The following SAMHD1 variants were observed in gnomAD, a reference collection of about 807,000 sequenced individuals.
The protein encoded by SAMHD1 is deoxynucleoside triphosphate triphosphohydrolase SAMHD1.
SAMHD1 carries 54 observed loss-of-function variants against 79.6 expected under a neutral mutation model. The observed-to-expected ratio is 0.68, with a 90% CI of 0.55 to 0.85. SAMHD1 has a LOEUF of 0.85. Ranked by LOEUF, SAMHD1 falls within the 40% of genes least tolerant of loss-of-function variation. SAMHD1 has a pLI of 0.00. For missense variants in SAMHD1, 663 were observed against 782.7 expected (o/e 0.85, Z 1.82); for synonymous variants, 260 against 264.1 (o/e 0.98, Z 0.15).
intron 11 of SAMHD1, among the ~76,000 whole-genome samples, chr20:36,906,743 C>T (rs1231502257): frequency 1.3e-5 from 2 of 151,000 alleles, no homozygotes; most frequent in East Asian, 1.9e-4. Flanking sequence ...TTAAATTCAA[C>T]AATTGTTAAT....
At chr20:36,936,775 G>A (rs752437516) in intron 3 of SAMHD1, among the ~76,000 whole-genome samples, 1 of 151,836 alleles carries the variant, frequency 6.6e-6, no homozygotes, top group Non-Finnish European at 1.5e-5. Flanking sequence ...AAGTTCAAGC[G>A]ATCCTCCCAC....
At chr20:36,941,167 G>A in intron 2 of SAMHD1, 56 bp from the exon 3 acceptor site, 2 of 1,132,308 alleles carry the variant, frequency 1.8e-6, no homozygotes, top group South Asian at 1.2e-5. Context: ...AATAATCCCT[G>A]CAGTATATAG....
In SAMHD1 at chr20:36,929,491, T is replaced by A. The variant is rs1568776003; in HGVS notation, c.625+1269A>T. On this transcript the variant is annotated intron_variant, in intron 5 of 15. Transcript: ENST00000646673. ...GACTTATGCCTGTATTCCCAACACTTTGGGAGGCCAAGGGAGGTGAATCAC... is the reference window on the plus strand; with the variant it reads ...GACTTATGCCTGTATTCCCAACACTATGGGAGGCCAAGGGAGGTGAATCAC... Among the ~76,000 whole-genome samples, 4 of 152,000 alleles carry A rather than the reference T, an allele frequency of 2.6e-5. No homozygotes were observed. The South Asian group carries it at 8.3e-4, about 32-fold the overall frequency.
chr20:36,893,318 C>A, intron 15 of SAMHD1: 1 of 550,364 alleles, frequency 1.8e-6, no homozygotes. Context: ...GAGCAGCATA[C>A]CACTGCCCAC....
At chr20:36,925,573 A>T (rs973678199) in intron 6 of SAMHD1, among the ~76,000 whole-genome samples, 2 of 152,228 alleles carry the variant, frequency 1.3e-5, no homozygotes, top group Non-Finnish European at 1.5e-5. Flanking sequence ...GCCAAGCCAG[A>T]CACTGGGGAA....
chr20:36,919,912 G>C (rs1016754896), intron 6 of SAMHD1, among the ~76,000 whole-genome samples: 1 of 152,036 alleles, frequency 6.6e-6, no homozygotes, highest in African/African-American at 2.4e-5. Context: ...ATCTAGTGGT[G>C]AAAAGGGGTA....
At chr20:36,905,042 T>C (rs1325925088) in intron 12 of SAMHD1, 3 of 346,586 alleles carry the variant, frequency 8.7e-6, no homozygotes, top group Non-Finnish European at 1.6e-5. Context: ...CTTTCCCTTA[T>C]ATTCATTTTC....
chr20:36,897,247 TATTCATTC>T (rs947028763), intron 15 of SAMHD1, among the ~76,000 whole-genome samples: 2 of 152,242 alleles, frequency 1.3e-5, no homozygotes, highest in Middle Eastern at 3.2e-3. Flanking sequence ...ATGCCAATCA[TATTCATTC>T]ATTCATTCAT....
chr20:36,907,752 A>G (rs2063413736), intron 11 of SAMHD1, among the ~76,000 whole-genome samples: 1 of 152,226 alleles, frequency 6.6e-6, no homozygotes, highest in East Asian at 1.9e-4. Flanking sequence ...CTGGGATTAC[A>G]GGCGTAAGCC....
chr20:36,912,777 T>TTA (rs1383793377), intron 9 of SAMHD1, among the ~76,000 whole-genome samples: 20 of 142,266 alleles, frequency 1.4e-4, no homozygotes, highest in Non-Finnish European at 2.1e-4. Context: ...TTTTTTTTTT[T>TTA]AAAAGATGAG....
At chr20:36,931,581 G>A (rs991729382) in intron 4 of SAMHD1, among the ~76,000 whole-genome samples, 3 of 152,052 alleles carry the variant, frequency 2.0e-5, no homozygotes, top group Admixed American at 2.0e-4. Context: ...AGGTTGCAGT[G>A]AGCCGAGATC....
intron 13 of SAMHD1, 155 bp downstream of exon 13, chr20:36,904,001 GT>G (rs1321515619): frequency 4.8e-6 from 3 of 619,942 alleles, no homozygotes; most frequent in Non-Finnish European, 8.7e-6. Flanking sequence ...TGAACAAAAT[GT>G]TTTTGTGGTT....
At chr20:36,947,086 G>C (rs1461676995) in intron 1 of SAMHD1, 2 of 337,944 alleles carry the variant, frequency 5.9e-6, no homozygotes, top group South Asian at 2.9e-5. Context: ...AGTGAAACCC[G>C]ACTACCTGTT....
Position 36,911,280 on chromosome 20 carries a change from C to T in SAMHD1, c.1208G>A (p.Gly403Glu). The T allele has an allele frequency of 6.2e-7, 1 of 1,613,110 alleles. No homozygotes were observed. Among genetic ancestry groups the T allele is most frequent in the Non-Finnish European group, 8.5e-7 (1 of 1,179,916 alleles). ...ADDYIEITGA[G>E]GKKYRISTAI... Reference sequence around the variant, plus strand: ...TGTAGAAATGCGATACTTTTTTCCTCCAGCACCTGTAATCTCTATGTAGTC... The same window carrying T: ...TGTAGAAATGCGATACTTTTTTCCTTCAGCACCTGTAATCTCTATGTAGTC... The change falls in exon 11 of 16, where the codon GGA (glycine) becomes GAA (glutamate). Residue 403 changes from glycine to glutamate, a missense_variant. By Grantham distance (98) the Gly-to-Glu change is moderately conservative (BLOSUM62 -2). Coordinates refer to ENST00000646673, the MANE Select transcript of SAMHD1 (RefSeq NM_015474.4).
At chr20:36,926,862 C>G (rs1367741834) in intron 6 of SAMHD1, 1 of 274,188 alleles carries the variant, frequency 3.6e-6, no homozygotes, top group Non-Finnish European at 7.0e-6. Flanking sequence ...TACAATGGAG[C>G]AGAAGGAGTA....
At chr20:36,946,907 C>A in intron 1 of SAMHD1, 103 bp from the exon 2 acceptor site, 6 of 845,218 alleles carry the variant, frequency 7.1e-6, no homozygotes, top group South Asian at 2.9e-5. Context: ...AAGTGAGTAC[C>A]CACTGCAGGC....
chr20:36,936,768 T>C lies in SAMHD1; in HGVS notation c.349-1579A>G, dbSNP rs534155891. Among the ~76,000 whole-genome samples, 287 of 151,476 alleles carry C rather than the reference T, an allele frequency of 1.9e-3. 1 individual carries two copies. Among genetic ancestry groups the C allele is most frequent in the African/African-American group, 6.5e-3 (267 of 41,314 alleles). ...CTCATTGTAACCTCTGCCTCCCAAG[T>C]TCAAGCGATCCTCCCACCTCAGCCT... On this transcript the variant is annotated intron_variant, in intron 3 of 15. Coordinates refer to ENST00000646673, the MANE Select transcript of SAMHD1 (RefSeq NM_015474.4).
chr20:36,903,315 C>T (rs1175259879), intron 13 of SAMHD1, among the ~76,000 whole-genome samples: 1 of 152,038 alleles, frequency 6.6e-6, no homozygotes, highest in Non-Finnish European at 1.5e-5. Flanking sequence ...TCTCGGCTCA[C>T]TGCAACCTCC....
chr20:36,918,819 A>G (rs867529013), intron 7 of SAMHD1, among the ~76,000 whole-genome samples: 79 of 149,964 alleles, frequency 5.3e-4, no homozygotes, highest in African/African-American at 1.9e-3. Context: ...AAAAAAAAAA[A>G]AAAAAGAAAG....
Sources: allele counts gnomAD v4.1 joint callset (sites outside exome capture counted in the v4.1 genomes callset), GRCh38; gene constraint gnomAD v4.1.1; transcripts MANE v1.5; gene names NCBI Gene and HGNC (gene_info 2026-07-23, HGNC 2026-07-21).